The following GRID2 variants were observed in gnomAD, a reference collection of about 807,000 sequenced individuals.
GRID2 encodes the protein glutamate ionotropic receptor delta type subunit 2.
A neutral mutation model predicts 114.8 loss-of-function variants in GRID2; 33 were observed. The ratio of observed to expected loss-of-function variants is 0.29; its 90% confidence interval spans 0.22 to 0.38. The LOEUF is 0.38. GRID2 is among the 10% of genes least tolerant of loss of function. The pLI is 1.00. For synonymous variants in GRID2, 505 were observed against 449.9 expected (o/e 1.12, Z -1.55); for missense variants, 1,184 against 1,257.7 (o/e 0.94, Z 0.89).
intron 14 of GRID2, among the ~76,000 whole-genome samples, chr4:93,663,514 A>C (rs1328417924): frequency 1.3e-5 from 2 of 151,920 alleles, no homozygotes; most frequent in African/African-American, 4.8e-5. Flanking sequence ...ATGTGTGTGT[A>C]TGTGTGTGTG....
intron 15 of GRID2, among the ~76,000 whole-genome samples, chr4:93,771,004 T>A (rs897320091): frequency 7.9e-5 from 12 of 152,166 alleles, no homozygotes; most frequent in Non-Finnish European, 1.6e-4. Context: ...AGGAACACTA[T>A]AATAGCACAA....
chr4:92,525,475 G>A (rs1724997228), intron 1 of GRID2, among the ~76,000 whole-genome samples: 1 of 152,050 alleles, frequency 6.6e-6, no homozygotes, highest in African/African-American at 2.4e-5. Flanking sequence ...CTAAATCACT[G>A]AGGGAGAACT....
intron 2 of GRID2, among the ~76,000 whole-genome samples, chr4:92,949,500 G>A (rs1343666041): frequency 6.6e-6 from 1 of 151,836 alleles, no homozygotes; most frequent in African/African-American, 2.4e-5. Context: ...TTTAGTTTAT[G>A]ATTGACTGTC....
chr4:93,059,288 T>C (rs886652234), intron 2 of GRID2, among the ~76,000 whole-genome samples: 1 of 152,136 alleles, frequency 6.6e-6, no homozygotes, highest in African/African-American at 2.4e-5. Flanking sequence ...AAGTCTGAAA[T>C]GAGAAATTCA....
intron 2 of GRID2, among the ~76,000 whole-genome samples, chr4:92,849,072 G>A (rs1385181652): frequency 6.6e-6 from 1 of 151,810 alleles, no homozygotes; most frequent in East Asian, 1.9e-4. Flanking sequence ...AGCTTTCCAG[G>A]GTATAGAGGG....
chr4:93,255,669 A>G (rs149498016), intron 8 of GRID2, among the ~76,000 whole-genome samples: 8 of 152,174 alleles, frequency 5.3e-5, no homozygotes, highest in East Asian at 1.9e-4. Flanking sequence ...TATAAAGCCA[A>G]CACCTTGGGT....
At chr4:92,802,277 T>C (rs1201360375) in intron 2 of GRID2, among the ~76,000 whole-genome samples, 1 of 151,980 alleles carries the variant, frequency 6.6e-6, no homozygotes, top group East Asian at 1.9e-4. Flanking sequence ...TTAAAATTGA[T>C]GTACTTACAT....
intron 14 of GRID2, among the ~76,000 whole-genome samples, chr4:93,758,844 C>A (rs1732975130): frequency 6.6e-6 from 1 of 152,104 alleles, no homozygotes; most frequent in Non-Finnish European, 1.5e-5. Context: ...ATGATCGTTG[C>A]CAGTTTCTCA....
rs569525474 is a variant in GRID2 at position 92,488,306 on chromosome 4, G to A, written c.89-101825G>A. ...AATTATAACTATTATTCAACCCATC[G>A]AAGAGCTGAGATCACAAGGCAAACA... On this transcript the variant is annotated intron_variant, in intron 1 of 15. Coordinates refer to ENST00000282020, the MANE Select transcript of GRID2 (RefSeq NM_001510.4). Among the ~76,000 whole-genome samples the A allele has an allele frequency of 3.3e-5, 5 of 152,194 alleles. No individual in the cohort carries two copies. The East Asian group carries it at 5.8e-4, about 18-fold the overall frequency.
intron 13 of GRID2, among the ~76,000 whole-genome samples, chr4:93,579,842 G>A (rs886298042): frequency 4.6e-5 from 7 of 152,064 alleles, no homozygotes; most frequent in Admixed American, 6.6e-5. Context: ...TCTTGCTTTC[G>A]TTTTCTTTAT....
intron 14 of GRID2, among the ~76,000 whole-genome samples, chr4:93,633,522 A>G (rs1721133096): frequency 6.6e-6 from 1 of 152,106 alleles, no homozygotes; most frequent in Non-Finnish European, 1.5e-5. Flanking sequence ...TAATTATTTC[A>G]TACATGAATA....
At chr4:92,504,211 G>T (rs1174788571) in intron 1 of GRID2, among the ~76,000 whole-genome samples, 2 of 152,020 alleles carry the variant, frequency 1.3e-5, no homozygotes, top group African/African-American at 4.8e-5. Context: ...GGTTTTCTTT[G>T]TGTATGGAAT....
chr4:93,676,609 T>G (rs1724880620), intron 14 of GRID2, among the ~76,000 whole-genome samples: 1 of 152,100 alleles, frequency 6.6e-6, no homozygotes, highest in Admixed American at 6.5e-5. Flanking sequence ...AACTTAAGTT[T>G]AGCTTTTTAC....
chr4:92,477,674 A>T (rs1722384025), intron 1 of GRID2, among the ~76,000 whole-genome samples: 2 of 150,576 alleles, frequency 1.3e-5, no homozygotes, highest in African/African-American at 4.9e-5. Flanking sequence ...AAAGAGATAA[A>T]TACTGTAAAT....
At chr4:92,931,439 C>T (rs2149520740) in intron 2 of GRID2, among the ~76,000 whole-genome samples, 1 of 150,966 alleles carries the variant, frequency 6.6e-6, no homozygotes, top group Non-Finnish European at 1.5e-5. Flanking sequence ...TCTCTTCCTA[C>T]TCCTGTACTC....
chr4:93,236,118 C>T (rs534886236), intron 7 of GRID2, among the ~76,000 whole-genome samples: 18 of 152,048 alleles, frequency 1.2e-4, no homozygotes, highest in African/African-American at 3.9e-4. Context: ...GTAATATAAG[C>T]TATATTTGTC....
At chr4:92,608,839 C>A (rs891345350) in intron 2 of GRID2, among the ~76,000 whole-genome samples, 1 of 151,690 alleles carries the variant, frequency 6.6e-6, no homozygotes, top group Admixed American at 6.6e-5. Flanking sequence ...ACAAGCTCTT[C>A]AATTTGTAAA....
intron 8 of GRID2, among the ~76,000 whole-genome samples, chr4:93,238,972 T>C (rs947437226): frequency 3.3e-5 from 5 of 151,202 alleles, no homozygotes; most frequent in African/African-American, 4.8e-5. Context: ...AAATGAACTC[T>C]TGTTGGATAC....
intron 1 of GRID2, among the ~76,000 whole-genome samples, chr4:92,348,619 G>C (rs1727902067): frequency 6.6e-6 from 1 of 152,086 alleles, no homozygotes; most frequent in East Asian, 1.9e-4. Context: ...AAAGAAATAG[G>C]GGTGTAGAAA....
Sources: allele counts gnomAD v4.1 joint callset (sites outside exome capture counted in the v4.1 genomes callset), GRCh38; gene constraint gnomAD v4.1.1; transcripts MANE v1.5; gene names NCBI Gene and HGNC (gene_info 2026-07-23, HGNC 2026-07-21).